Variants in SREBF2 observed in about 807,000 individuals in gnomAD.
SREBF2 encodes sterol regulatory element-binding protein 2.
SREBF2 carries 55 observed loss-of-function variants against 113.1 expected under a neutral mutation model. That is an observed-to-expected ratio of 0.49 (90% CI 0.39 to 0.61). The LOEUF is 0.61. SREBF2 is among the 20% of genes least tolerant of loss of function. SREBF2 has a pLI of 0.00. For synonymous variants in SREBF2, 593 were observed against 605.7 expected, an observed-to-expected ratio of 0.98 and a Z score of 0.31; for missense variants, 1,349 against 1,487.4, an observed-to-expected ratio of 0.91 and a Z score of 1.53.
chr22:41,889,252 G>T (rs1392028953), intron 11 of SREBF2, among the ~76,000 whole-genome samples: 2 of 151,900 alleles, frequency 1.3e-5, no homozygotes, highest in Non-Finnish European at 2.9e-5. Context: ...TCACCCTCCC[G>T]AGTAGCTGGG....
chr22:41,852,653 T>G (rs1379354543), intron 1 of SREBF2, among the ~76,000 whole-genome samples: 5 of 150,278 alleles, frequency 3.3e-5, no homozygotes, highest in African/African-American at 9.7e-5. Flanking sequence ...TTTCAGAAAA[T>G]TCTCAGCTTC....
At chr22:41,866,261 A>G (rs1485376592) in intron 1 of SREBF2, among the ~76,000 whole-genome samples, 1 of 152,114 alleles carries the variant, frequency 6.6e-6, no homozygotes, top group Non-Finnish European at 1.5e-5. Flanking sequence ...AATCAGGAAA[A>G]AGAGAGAGGC....
intron 1 of SREBF2, among the ~76,000 whole-genome samples, chr22:41,851,502 TG>T (rs201077567): frequency 4.7e-5 from 7 of 149,390 alleles, no homozygotes; most frequent in African/African-American, 1.8e-4. Flanking sequence ...TTTGTTTGTT[TG>T]TTTTTTTGAG....
At chr22:41,903,710 CT>C (rs924240134) in intron 17 of SREBF2, among the ~76,000 whole-genome samples, 51 of 152,294 alleles carry the variant, frequency 3.3e-4, no homozygotes, top group African/African-American at 1.1e-3. Context: ...ATATTTGTAC[CT>C]GTATTTTTTT....
chr22:41,881,136 G>A (rs937438681), intron 10 of SREBF2, 144 bp downstream of exon 10: 1 of 1,117,400 alleles, frequency 8.9e-7, no homozygotes, highest in Non-Finnish European at 1.3e-6. Context: ...GCTTCTACCT[G>A]TTTTCACAGC....
intron 1 of SREBF2, among the ~76,000 whole-genome samples, chr22:41,850,269 G>A (rs1423082369): frequency 6.6e-6 from 1 of 152,012 alleles, no homozygotes; most frequent in Admixed American, 6.6e-5. Context: ...CTAACATGGT[G>A]AAACCCTGTC....
intron 4 of SREBF2, among the ~76,000 whole-genome samples, chr22:41,871,395 T>C (rs1178787462): frequency 6.6e-6 from 1 of 152,094 alleles, no homozygotes; most frequent in Non-Finnish European, 1.5e-5. Flanking sequence ...ACATGGAAGG[T>C]ACCCCATCCT....
chr22:41,847,299 G>A (rs1025038553), intron 1 of SREBF2, among the ~76,000 whole-genome samples: 12 of 152,178 alleles, frequency 7.9e-5, no homozygotes, highest in African/African-American at 2.9e-4. Context: ...AATGTGAAAT[G>A]TGAGGGCCTC....
chr22:41,840,411 CCAT>C (rs2076818136), intron 1 of SREBF2, among the ~76,000 whole-genome samples: 1 of 151,218 alleles, frequency 6.6e-6, no homozygotes, highest in South Asian at 2.1e-4. Flanking sequence ...CAACCCCTAA[CCAT>C]CACCCTTGGG....
chr22:41,885,162 C>T (rs2077288384), intron 11 of SREBF2, 151 bp downstream of exon 11: 1 of 983,426 alleles, frequency 1.0e-6, no homozygotes, highest in Non-Finnish European at 1.6e-6. Flanking sequence ...CTCATTTCAC[C>T]AGGACTCCCA....
At chr22:41,889,549 G>A (rs2077335814) in intron 11 of SREBF2, among the ~76,000 whole-genome samples, 1 of 152,068 alleles carries the variant, frequency 6.6e-6, no homozygotes, top group African/African-American at 2.4e-5. Flanking sequence ...GCTAGGAGTG[G>A]TAGCACACAC....
Position 41,868,503 on chromosome 22 carries a change from TG to T in SREBF2, c.539-104del, listed in dbSNP as rs931598165. On this transcript the variant is annotated intron_variant, in intron 2 of 18. Transcript: ENST00000361204. ...TGTGCACATCATCTTCAGCAGTAGG[TG>T]GGGAGTTGGAATCATTATGAGATAC... 3 of 1,253,800 alleles carry T rather than the reference TG, an allele frequency of 2.4e-6. No individual in the cohort carries two copies. In the African/African-American group the frequency reaches 4.5e-5, roughly 19 times the overall value. The allele number at this position is 1,253,800 out of a possible 1,614,324, so 77.7% of individuals were successfully genotyped here.
At chr22:41,837,422 G>T (rs554028169) in intron 1 of SREBF2, among the ~76,000 whole-genome samples, 1 of 151,854 alleles carries the variant, frequency 6.6e-6, no homozygotes, top group African/African-American at 2.4e-5. Context: ...GCCGGGCATG[G>T]TGGTACACGC....
Position 41,833,645 on chromosome 22 carries a change from T to C in SREBF2, c.88+287T>C. 2.9e-6 allele frequency: 1 copy of C among 340,326 alleles called. No individual in the cohort carries two copies. Among genetic ancestry groups the C allele is most frequent in the Non-Finnish European group, 5.3e-6 (1 of 189,228 alleles). 21.1% of individuals were successfully genotyped at this position (340,326 alleles called of 1,614,324 possible). ...GGGCTAGGGACGTCGCGGGGGCGTC[T>C]CAGGGAGCGGCCTAAGGAGAGCGCG... On this transcript the variant is annotated intron_variant, in intron 1 of 18. Coordinates refer to ENST00000361204, the MANE Select transcript of SREBF2 (RefSeq NM_004599.4). This position sits in a 1 kb window ranked among gnomAD's most constrained non-coding sequence, Gnocchi z 4.1.
intron 17 of SREBF2, 168 bp from the exon 18 acceptor site, chr22:41,904,695 G>C: frequency 1.4e-6 from 1 of 719,734 alleles, no homozygotes; most frequent in Non-Finnish European, 2.6e-6. Flanking sequence ...GCCTGGCTCA[G>C]GGTCAGAGTA....
rs1018602986 is a variant in SREBF2, at chr22:41,875,185, G to T, written c.1090-152G>T. 5.7e-6 allele frequency: 4 copies of T among 695,688 alleles called. No individual in the cohort carries two copies. In the African/African-American group the frequency reaches 7.0e-5, roughly 12 times the overall value. 43.1% of individuals were successfully genotyped at this position (695,688 alleles called of 1,614,324 possible). ...TCTGAGGTATGGAATAACTTCTCCC[G>T]AGTGGCACAGCTAATCATTGGGAGG... is the stretch of plus-strand genomic sequence containing the variant. On this transcript the variant is annotated intron_variant, in intron 5 of 18. Coordinates refer to ENST00000361204, the MANE Select transcript of SREBF2 (RefSeq NM_004599.4).
chr22:41,848,795 G>T (rs2076901530), intron 1 of SREBF2, among the ~76,000 whole-genome samples: 1 of 152,102 alleles, frequency 6.6e-6, no homozygotes, highest in Admixed American at 6.5e-5. Context: ...TTTTCTTCCT[G>T]TGTAAAAACC....
In SREBF2 at chr22:41,866,799, C is replaced by T. The variant is rs563961834; in HGVS notation, c.89-32C>T. On this transcript the variant is annotated intron_variant, in intron 1 of 18. Coordinates refer to ENST00000361204, the MANE Select transcript of SREBF2 (RefSeq NM_004599.4). ...GTTTGAAAGTTCACTTTTTGGATAG[C>T]AATAAAATTACTCCTTTTCTTTTGT... The T allele has an allele frequency of 8.7e-6, 14 of 1,611,052 alleles. No homozygotes were observed. In the South Asian group the frequency reaches 1.5e-4, roughly 18 times the overall value.
At position 41,906,526 on chromosome 22, in the gene SREBF2, C is replaced by G. The variant is rs2077510716; in HGVS notation, c.*866C>G. 1 of 159,974 alleles carries G rather than the reference C, an allele frequency of 6.3e-6. No individual in the cohort carries two copies. Among genetic ancestry groups the G allele is most frequent in the East Asian group, 1.9e-4 (1 of 5,346 alleles). 9.9% of individuals were successfully genotyped at this position (159,974 alleles called of 1,614,324 possible). On this transcript the variant is annotated 3_prime_UTR_variant, in exon 19 of 19. Coordinates refer to ENST00000361204, the MANE Select transcript of SREBF2 (RefSeq NM_004599.4). ...TTCCCTCCTCCCCCTACCCCATCTC[C>G]TACCTCCACAGTACAGACTGTCCCC...
Sources: gnomAD v4.1 joint callset for allele counts (sites outside exome capture counted in the v4.1 genomes callset) on GRCh38, gnomAD v4.1.1 for gene constraint, Gnocchi (gnomAD v3.1) non-coding constraint, MANE v1.5 for transcripts, NCBI Gene and HGNC (gene_info 2026-07-23, HGNC 2026-07-21) for gene names.